ZNF860: variants seen among roughly 807,000 people sequenced by gnomAD.
ZNF860 encodes zinc finger protein 860.
For missense variants in ZNF860, 641 were observed against 759.2 expected, an observed-to-expected ratio of 0.84 and a Z score of 1.83; for synonymous variants, 206 against 248.9, an observed-to-expected ratio of 0.83 and a Z score of 1.62.
At chr3:31,982,606 TTG>T (rs1342151839) in intron 1 of ZNF860, among the ~76,000 whole-genome samples, 1 of 151,996 alleles carries the variant, frequency 6.6e-6, no homozygotes, top group African/African-American at 2.4e-5. Context: ...AGAGAAGTGG[TTG>T]TGCCCCTGAG....
At chr3:31,999,359 CTTTT>C in the ZNF860 span, among the ~76,000 whole-genome samples, 3 of 125,852 alleles carry the variant, frequency 2.4e-5, no homozygotes, top group Non-Finnish European at 1.6e-5. Flanking sequence ...ATATCAAAAT[CTTTT>C]TTTTTTTTTT....
At position 31,989,240 on chromosome 3, in the gene ZNF860, T is replaced by C. The variant is rs775317261; in HGVS notation, c.161T>C (p.Leu54Ser). The C allele has an allele frequency of 6.2e-7, 1 of 1,614,196 alleles. No individual in the cohort carries two copies. Among genetic ancestry groups the C allele is most frequent in the Non-Finnish European group, 8.5e-7 (1 of 1,180,042 alleles). ...TQRALYRAMM[L>S]ENYRNLHSVD... ...AGGGCTTTATACAGGGCCATGATGT[T>C]GGAGAACTACAGGAACCTGCATTCT... is the stretch of plus-strand genomic sequence containing the variant. The change falls in exon 2 of 2, where the codon TTG becomes TCG. Residue 54 changes from leucine to serine, a missense_variant. By Grantham distance (145) the Leu-to-Ser change is moderately radical (BLOSUM62 -2). Transcript: ENST00000360311.
At position 31,989,638 on chromosome 3, in the gene ZNF860, T is replaced by C. The variant is rs772610191; in HGVS notation, c.559T>C (p.Ser187Pro). The C allele has an allele frequency of 6.2e-7, 1 of 1,614,172 alleles. No individual in the cohort carries two copies. Among genetic ancestry groups the C allele is most frequent in the Non-Finnish European group, 8.5e-7 (1 of 1,180,030 alleles). Residue 187 changes from serine to proline, a missense_variant, in exon 2 of 2, where the codon TCC becomes CCC. Ser to Pro is a moderately conservative substitution (Grantham distance 74). Coordinates refer to ENST00000360311, the MANE Select transcript of ZNF860 (RefSeq NM_001137674.3). ...NQVEKSINDA[S>P]SVLTSQRISS... Reference sequence around the variant, plus strand: ...AGTTGAGAAGTCTATCAACGATGCTTCCTCAGTTCTAACGTCCCAAAGAAT... The same window carrying C: ...AGTTGAGAAGTCTATCAACGATGCTCCCTCAGTTCTAACGTCCCAAAGAAT...
Position 31,989,677 on chromosome 3 carries a change from A to G in ZNF860, c.598A>G (p.Lys200Glu). 1 of 1,614,054 alleles carries G rather than the reference A, an allele frequency of 6.2e-7. No individual in the cohort carries two copies. The highest frequency in any genetic ancestry group is 1.1e-5 in the South Asian group (1 of 91,036). Residue 200 changes from lysine (K) to glutamate (E), a missense_variant, in exon 2 of 2, where the codon AAA becomes GAA. Transcript: ENST00000360311. ...LTSQRISSRP[K>E]IHISNNYENN... is the part of the protein sequence containing the mutation. ...GTCCCAAAGAATTTCTTCTAGGCCC[A>G]AAATCCATATTTCTAATAACTATGA...
At position 31,989,413 on chromosome 3, in the gene ZNF860, T is replaced by G; in HGVS notation, c.334T>G (p.Phe112Val). The G allele has an allele frequency of 6.2e-7, 1 of 1,614,182 alleles. No individual in the cohort carries two copies. The highest frequency in any genetic ancestry group is 1.1e-5 in the South Asian group (1 of 91,080). The stretch of plus-strand genomic sequence containing the variant: ...GAAAATTGGGAAAGATATTCATGAC[T>G]TTGAGTTTCAATGGCAAGAAGACAA... ...FQKIGKDIHDFEFQWQEDKRN... is the reference protein window; with the variant it reads ...FQKIGKDIHDVEFQWQEDKRN... The change falls in exon 2 of 2, where the codon TTT (phenylalanine) becomes GTT (valine). Residue 112 changes from phenylalanine (F) to valine (V), a missense_variant. Physicochemically the swap from Phe to Val is conservative, Grantham distance 50 (BLOSUM62 -1). Coordinates refer to ENST00000360311, the MANE Select transcript of ZNF860 (RefSeq NM_001137674.3).
chr3:31,997,510 G>A, the ZNF860 span, among the ~76,000 whole-genome samples: 129 of 151,926 alleles, frequency 8.5e-4, no homozygotes, highest in Non-Finnish European at 1.7e-3. Flanking sequence ...TGATCTGCCC[G>A]CTTCAGCCTC....
chr3:31,986,280 A>G (rs2125515638), intron 1 of ZNF860: 1 of 152,362 alleles, frequency 6.6e-6, no homozygotes, highest in South Asian at 2.1e-4. Flanking sequence ...CAGAAACTCA[A>G]AGAGGAGGAG....
downstream of ZNF860, among the ~76,000 whole-genome samples, chr3:31,995,030 G>A (rs551712650): frequency 6.6e-6 from 1 of 152,284 alleles, no homozygotes; most frequent in South Asian, 2.1e-4. Context: ...TATGAATAGG[G>A]AGTAGGTCAC....
At chr3:31,994,941 ATATTGGT>A (rs1324088113), downstream of ZNF860, among the ~76,000 whole-genome samples, 3 of 152,206 alleles carry the variant, frequency 2.0e-5, no homozygotes, top group Admixed American at 2.0e-4. Context: ...GTGACATCAC[ATATTGGT>A]AGGACCATGA....
the ZNF860 span, among the ~76,000 whole-genome samples, chr3:32,000,031 T>A: frequency 8.0e-4 from 122 of 152,278 alleles, no homozygotes; most frequent in African/African-American, 2.8e-3. Context: ...GCCACAAAGA[T>A]AACCAAAAAG....
intron 1 of ZNF860, among the ~76,000 whole-genome samples, chr3:31,988,452 G>C (rs568878074): frequency 3.9e-5 from 6 of 152,270 alleles, no homozygotes; most frequent in African/African-American, 1.2e-4. Flanking sequence ...TCAAAGCTAT[G>C]CCTATAGATT....
At chr3:32,001,775 A>T in the ZNF860 span, among the ~76,000 whole-genome samples, 2 of 152,108 alleles carry the variant, frequency 1.3e-5, no homozygotes. Flanking sequence ...AGTCAGTGAA[A>T]TGTGCACACC....
chr3:32,004,425 G>A, the ZNF860 span, among the ~76,000 whole-genome samples: 1 of 152,226 alleles, frequency 6.6e-6, no homozygotes, highest in Non-Finnish European at 1.5e-5. Context: ...TGACTCCCTT[G>A]CCCAGATGGG....
chr3:31,982,280 G>T (rs1449399557), intron 1 of ZNF860, among the ~76,000 whole-genome samples: 1 of 152,006 alleles, frequency 6.6e-6, no homozygotes, highest in Non-Finnish European at 1.5e-5. Context: ...AATATTTTTT[G>T]TGAATATAGA....
chr3:31,993,053 A>G (rs1388705030), downstream of ZNF860, among the ~76,000 whole-genome samples: 3 of 152,174 alleles, frequency 2.0e-5, no homozygotes, highest in Admixed American at 2.0e-4. Flanking sequence ...GATATGGGTA[A>G]GGAAATGAAA....
chr3:31,996,503 GA>G (rs1699091002), downstream of ZNF860, among the ~76,000 whole-genome samples: 3 of 151,964 alleles, frequency 2.0e-5, no homozygotes, highest in Non-Finnish European at 1.5e-5. Context: ...TTGCCAGGGG[GA>G]GAAGGGGGTT....
At chr3:32,000,995 G>T in the ZNF860 span, among the ~76,000 whole-genome samples, 1,342 of 152,276 alleles carry the variant, frequency 8.8e-3, 15 homozygotes, top group African/African-American at 0.03. Context: ...GGAGCTGTTA[G>T]CAGCCATGTT....
the ZNF860 span, among the ~76,000 whole-genome samples, chr3:31,997,162 C>T: frequency 3.3e-5 from 5 of 152,028 alleles, no homozygotes; most frequent in Non-Finnish European, 5.9e-5. Flanking sequence ...AAAGCATGCC[C>T]GATTTATGTG....
At chr3:31,999,782 C>T in the ZNF860 span, among the ~76,000 whole-genome samples, 9 of 152,242 alleles carry the variant, frequency 5.9e-5, no homozygotes, top group Admixed American at 1.3e-4. Context: ...GCCCACAGCC[C>T]GGTGAAATGA....
Sources: gnomAD v4.1 joint callset for allele counts (sites outside exome capture counted in the v4.1 genomes callset) on GRCh38, gnomAD v4.1.1 for gene constraint, MANE v1.5 for transcripts, NCBI Gene and HGNC (gene_info 2026-07-23, HGNC 2026-07-21) for gene names.